COX7A2L: variants seen among roughly 807,000 people sequenced by gnomAD.
COX7A2L encodes the protein cytochrome c oxidase subunit 7A2 like.
Under a neutral mutation model 14.2 loss-of-function variants are expected in COX7A2L, and 18 were observed. The observed-to-expected ratio is 1.27, with a 90% CI of 0.88 to 1.88. The LOEUF (loss-of-function observed/expected upper bound fraction) is 1.88. Ranked by LOEUF, COX7A2L falls within the 40% of genes most tolerant of loss-of-function variation. COX7A2L has a pLI of 0.00. For missense variants in COX7A2L, 179 were observed against 138.8 expected, an observed-to-expected ratio of 1.29 and a Z score of -1.46; for synonymous variants, 65 against 57.4, an observed-to-expected ratio of 1.13 and a Z score of -0.60.
chr2:42,361,305 C>G, upstream of COX7A2L: 1 of 722,436 alleles, frequency 1.4e-6, no homozygotes, highest in Non-Finnish European at 2.3e-6. Context: ...TAACTTAAAA[C>G]CTGCACACTT....
chr2:42,351,259 A>G lies in COX7A2L; in HGVS notation c.305T>C (p.Leu102Pro). Reference sequence around the variant, plus strand: ...CTGCGAAGCCATGTAGAGGGCGATCAGGCAGTAGATGGTCCCTCCCACAGT... The same window carrying G: ...CTGCGAAGCCATGTAGAGGGCGATCGGGCAGTAGATGGTCCCTCCCACAGT... ...ALTVGGTIYC[L>P]IALYMASQPK... Residue 102 changes from leucine (L) to proline (P), a missense_variant, in exon 3 of 3, where the codon CTG becomes CCG. Coordinates refer to ENST00000234301, the MANE Select transcript of COX7A2L (RefSeq NM_004718.4). The G allele has an allele frequency of 6.2e-7, 1 of 1,614,142 alleles. No homozygotes were observed. The highest frequency in any genetic ancestry group is 1.3e-5 in the African/African-American group (1 of 75,058).
chr2:42,352,286 C>T (rs1572792313), intron 2 of COX7A2L, among the ~76,000 whole-genome samples: 1 of 152,104 alleles, frequency 6.6e-6, no homozygotes, highest in Admixed American at 6.5e-5. Flanking sequence ...CCTCCCGCCT[C>T]GGCCTCTGGA....
At chr2:42,337,029 G>A (rs915616374) in intron 2 of COX7A2L, among the ~76,000 whole-genome samples, 1 of 152,194 alleles carries the variant, frequency 6.6e-6, no homozygotes, top group Non-Finnish European at 1.5e-5. Context: ...TTAGAGCAAA[G>A]TCAGGTTCCC....
upstream of COX7A2L, chr2:42,361,285 G>T (rs1055512433): frequency 1.2e-6 from 1 of 847,344 alleles, no homozygotes; most frequent in Non-Finnish European, 1.8e-6. Context: ...AGGGCTGCCC[G>T]AAGATCGCCT....
At chr2:42,360,840 AC>A (rs1476046690) in intron 1 of COX7A2L, 2 of 538,554 alleles carry the variant, frequency 3.7e-6, no homozygotes, top group Non-Finnish European at 6.6e-6. Flanking sequence ...CCCGGGGGTC[AC>A]CTTGACCCCT....
chr2:42,348,470 T>G (rs1670540212), downstream of COX7A2L, among the ~76,000 whole-genome samples: 1 of 152,048 alleles, frequency 6.6e-6, no homozygotes, highest in African/African-American at 2.4e-5. Context: ...TATAAAAAAT[T>G]CCTGACAAAA....
At chr2:42,358,061 C>T (rs888722457) in intron 1 of COX7A2L, among the ~76,000 whole-genome samples, 1 of 152,186 alleles carries the variant, frequency 6.6e-6, no homozygotes, top group African/African-American at 2.4e-5. Context: ...TTTTAACAAA[C>T]TGCCAAACTG....
upstream of COX7A2L, among the ~76,000 whole-genome samples, chr2:42,365,080 A>G (rs1241401179): frequency 6.6e-6 from 1 of 152,224 alleles, no homozygotes; most frequent in Non-Finnish European, 1.5e-5. Context: ...AAATACACTT[A>G]ATTATGCATA....
At position 42,339,545 on chromosome 2, in the gene COX7A2L, C is replaced by T. The variant is rs891158842; in HGVS notation, c.193-5676G>A. 5.3e-5 allele frequency among the ~76,000 whole-genome samples: 8 copies of T among 152,188 alleles called. No individual in the cohort carries two copies. The highest frequency in any genetic ancestry group is 1.9e-4 in the African/African-American group (8 of 41,456). On this transcript the variant is annotated intron_variant, in intron 2 of 2. Transcript: ENST00000468711. The surrounding 1 kb of genome is among the most constrained non-coding windows in gnomAD (Gnocchi z 5.4). ...AACCCCCTCCTCTCCTGCCACCATTCCTCCTGGTTTCTTTCTTCCCTTCTG... is the reference window on the plus strand; with the variant it reads ...AACCCCCTCCTCTCCTGCCACCATTTCTCCTGGTTTCTTTCTTCCCTTCTG...
intron 1 of COX7A2L, among the ~76,000 whole-genome samples, chr2:42,358,179 G>C (rs1670890653): frequency 6.6e-6 from 1 of 152,104 alleles, no homozygotes; most frequent in Non-Finnish European, 1.5e-5. Flanking sequence ...TTGATTCTAG[G>C]CATTCTGGTG....
At chr2:42,336,232 C>T (rs890837534) in intron 2 of COX7A2L, among the ~76,000 whole-genome samples, 3 of 152,204 alleles carry the variant, frequency 2.0e-5, no homozygotes, top group African/African-American at 7.2e-5. Flanking sequence ...GAATTTTGAT[C>T]TTCCGTCCCT....
chr2:42,351,040 T>C lies in COX7A2L; in HGVS notation c.*179A>G. On this transcript the variant is annotated 3_prime_UTR_variant, in exon 3 of 3. Transcript: ENST00000234301. ...TTAAACAATGGCTTTAACTGTCGAA[T>C]GAGCTCTGACAAGCCATATGCATTT... 4.9e-6 allele frequency: 3 copies of C among 613,320 alleles called. No individual in the cohort carries two copies. The East Asian group carries it at 9.0e-5, about 18-fold the overall frequency. 38.0% of individuals were successfully genotyped at this position (613,320 alleles called of 1,614,324 possible).
Position 42,361,144 on chromosome 2 carries a change from A to G in COX7A2L, c.18T>C (p.Ser6=), listed in dbSNP as rs1207429115. Residue 6 remains serine (S), a synonymous_variant, in exon 1 of 3, where the codon AGT becomes AGC. Transcript: ENST00000234301. ...CTCCTGCCAACTTCTGCGTGAAGCC[A>G]CTAAACTTGTAGTACATGACGCCCA... MYYKF[S]GFTQKLAGAW... 6.2e-7 allele frequency: 1 copy of G among 1,613,644 alleles called. No homozygotes were observed. The highest frequency in any genetic ancestry group is 1.1e-5 in the South Asian group (1 of 90,986).
chr2:42,354,295 G>GT (rs910028239), intron 1 of COX7A2L, among the ~76,000 whole-genome samples: 33 of 151,998 alleles, frequency 2.2e-4, no homozygotes, highest in South Asian at 4.1e-4. Flanking sequence ...GGGATCTCTG[G>GT]TTTTTTTATC....
upstream of COX7A2L, among the ~76,000 whole-genome samples, chr2:42,364,229 C>A (rs1015954415): frequency 9.3e-6 from 1 of 107,878 alleles, no homozygotes; most frequent in Admixed American, 1.0e-4. Flanking sequence ...CCAGCCTGGG[C>A]GACAGAGCGA....
chr2:42,364,250 C>CAA (rs35151680), upstream of COX7A2L, among the ~76,000 whole-genome samples: 244 of 85,346 alleles, frequency 2.9e-3, 7 homozygotes, highest in African/African-American at 8.9e-3. Flanking sequence ...GACTCCGTCT[C>CAA]AAAAAAAAAA....
intron 2 of COX7A2L, among the ~76,000 whole-genome samples, chr2:42,352,417 G>A (rs1036016949): frequency 6.6e-6 from 1 of 152,040 alleles, no homozygotes; most frequent in Non-Finnish European, 1.5e-5. Context: ...CAAAGTGTTG[G>A]GGCTGCACAA....
At chr2:42,347,782 A>G (rs1294415384), downstream of COX7A2L, among the ~76,000 whole-genome samples, 3 of 152,176 alleles carry the variant, frequency 2.0e-5, no homozygotes, top group Non-Finnish European at 4.4e-5. Context: ...TTAGCCAGGT[A>G]TGGTGGCGCA....
In COX7A2L at chr2:42,351,210, C is replaced by A. The variant is rs768143826; in HGVS notation, c.*9G>T. The stretch of plus-strand genomic sequence containing the variant: ...TGCCAAAAAACAAACCAGTCCTCTG[C>A]AGCCTAACTCATTTGTTTTTGGGCT... On this transcript the variant is annotated 3_prime_UTR_variant, in exon 3 of 3. Coordinates refer to ENST00000234301, the MANE Select transcript of COX7A2L (RefSeq NM_004718.4). The A allele has an allele frequency of 8.1e-6, 13 of 1,611,808 alleles. No individual in the cohort carries two copies. Among genetic ancestry groups the A allele is most frequent in the Non-Finnish European group, 1.1e-5 (13 of 1,178,974 alleles).
Sources: allele counts gnomAD v4.1 joint callset (sites outside exome capture counted in the v4.1 genomes callset), GRCh38; gene constraint gnomAD v4.1.1; non-coding constraint Gnocchi (gnomAD v3.1); transcripts MANE v1.5; gene names NCBI Gene and HGNC (gene_info 2026-07-23, HGNC 2026-07-21).